Variants in CHST11 observed in about 807,000 individuals in gnomAD.
CHST11 encodes C4S-1.
In CHST11, 9 loss-of-function variants were observed where a neutral mutation model predicts 30.4. The observed-to-expected ratio is 0.30, with a 90% CI of 0.18 to 0.52. CHST11 has a LOEUF of 0.52. Ranked by LOEUF, CHST11 falls within the 20% of genes least tolerant of loss-of-function variation. The pLI is 0.97. For missense variants in CHST11, 348 were observed against 460.6 expected, an observed-to-expected ratio of 0.76 and a Z score of 2.24; for synonymous variants, 152 against 187.8, an observed-to-expected ratio of 0.81 and a Z score of 1.56.
chr12:104,657,959 G>T (rs2039561635), intron 2 of CHST11, among the ~76,000 whole-genome samples: 1 of 152,198 alleles, frequency 6.6e-6, no homozygotes, highest in African/African-American at 2.4e-5. Context: ...TTTGAAGGTA[G>T]CAGGGGAAAC....
At chr12:104,637,234 G>T (rs2039330887) in intron 2 of CHST11, among the ~76,000 whole-genome samples, 2 of 142,670 alleles carry the variant, frequency 1.4e-5, no homozygotes, top group East Asian at 2.2e-4. Context: ...GAGCCTGGAA[G>T]TTGAGGCTGC....
intron 1 of CHST11, among the ~76,000 whole-genome samples, chr12:104,532,027 G>A (rs1273120277): frequency 6.6e-6 from 1 of 152,228 alleles, no homozygotes; most frequent in African/African-American, 2.4e-5. Flanking sequence ...TGGGCTCTGG[G>A]CAGCTGCACT....
chr12:104,648,832 C>CG (rs2039462796), intron 2 of CHST11, among the ~76,000 whole-genome samples: 1 of 152,068 alleles, frequency 6.6e-6, no homozygotes, highest in South Asian at 2.1e-4. Context: ...AAAGAAAGAT[C>CG]TGAGCAGGGA....
At chr12:104,500,291 C>T (rs545496207) in intron 1 of CHST11, among the ~76,000 whole-genome samples, 2 of 152,238 alleles carry the variant, frequency 1.3e-5, no homozygotes, top group Admixed American at 6.5e-5. Flanking sequence ...TTGGTGCTTG[C>T]GAAGGGTTTA....
chr12:104,703,990 C>A (rs912456906), intron 2 of CHST11, among the ~76,000 whole-genome samples: 24 of 152,262 alleles, frequency 1.6e-4, no homozygotes, highest in African/African-American at 5.3e-4. Flanking sequence ...CTCCTTAGGG[C>A]CTGGTTCGTA....
chr12:104,487,838 C>A (rs7960741), intron 1 of CHST11, among the ~76,000 whole-genome samples: 1 of 151,354 alleles, frequency 6.6e-6, no homozygotes, highest in Admixed American at 6.6e-5. Context: ...AATACTGGTA[C>A]ATTTTTCTTT....
intron 2 of CHST11, among the ~76,000 whole-genome samples, chr12:104,741,749 A>G (rs1404118182): frequency 6.6e-6 from 1 of 152,208 alleles, no homozygotes; most frequent in East Asian, 1.9e-4. Context: ...GAACCCGCTC[A>G]TGTAAAAGCG....
intron 2 of CHST11, among the ~76,000 whole-genome samples, chr12:104,734,825 T>C (rs1233529930): frequency 6.6e-6 from 1 of 152,078 alleles, no homozygotes; most frequent in African/African-American, 2.4e-5. Flanking sequence ...AGACAGATAA[T>C]ATGGAGATCC....
chr12:104,497,738 A>G (rs1273778507), intron 1 of CHST11, among the ~76,000 whole-genome samples: 1 of 151,906 alleles, frequency 6.6e-6, no homozygotes, highest in Admixed American at 6.6e-5. Context: ...CTTGCTGAGA[A>G]CCTGGGTCTG....
At chr12:104,515,637 C>T (rs1252833984) in intron 1 of CHST11, among the ~76,000 whole-genome samples, 2 of 152,130 alleles carry the variant, frequency 1.3e-5, no homozygotes, top group Admixed American at 6.5e-5. Flanking sequence ...CTGGAGCTTA[C>T]AGTCTAGGGG....
At chr12:104,737,582 T>TC (rs1437410713) in intron 2 of CHST11, among the ~76,000 whole-genome samples, 1 of 152,190 alleles carries the variant, frequency 6.6e-6, no homozygotes, top group Admixed American at 6.5e-5. Flanking sequence ...GATCAGTTGA[T>TC]CTAGAGCCTT....
chr12:104,618,260 G>C (rs1354317255), intron 2 of CHST11, among the ~76,000 whole-genome samples: 1 of 117,208 alleles, frequency 8.5e-6, no homozygotes, highest in African/African-American at 3.3e-5. Context: ...GTGTTGCTCT[G>C]TTGCCCAGGC....
chr12:104,701,034 A>G (rs1002578431), intron 2 of CHST11, among the ~76,000 whole-genome samples: 2 of 152,102 alleles, frequency 1.3e-5, no homozygotes, highest in East Asian at 1.9e-4. Context: ...CTTGAACCCC[A>G]TAGGAGCTGG....
chr12:104,755,081 A>G (rs1355834335), intron 2 of CHST11, among the ~76,000 whole-genome samples: 3 of 152,200 alleles, frequency 2.0e-5, no homozygotes, highest in Non-Finnish European at 4.4e-5. Flanking sequence ...GATGCCCCTC[A>G]GTTCCCCAGC....
intron 2 of CHST11, among the ~76,000 whole-genome samples, chr12:104,702,822 G>A (rs1413349895): frequency 6.6e-6 from 1 of 152,244 alleles, no homozygotes; most frequent in African/African-American, 2.4e-5. Context: ...AGGGCGGACA[G>A]CGGGTCGGCG....
At position 104,481,581 on chromosome 12, in the gene CHST11, T is replaced by C. The variant is rs375045423; in HGVS notation, c.118+24052T>C. ...TCCTTCTGTAGGGAGCGGTCATGGA[T>C]TCTCTCACGCGTCGATGGGGGGCAA... On this transcript the variant is annotated intron_variant, in intron 1 of 2. Coordinates refer to ENST00000303694, the MANE Select transcript of CHST11 (RefSeq NM_018413.6). Among the ~76,000 whole-genome samples the C allele has an allele frequency of 5.1e-4, 78 of 152,242 alleles. No homozygotes were observed. In the South Asian group the frequency reaches 1.0e-2, roughly 19 times the overall value.
chr12:104,720,449 G>A (rs1208266201), intron 2 of CHST11, among the ~76,000 whole-genome samples: 5 of 152,186 alleles, frequency 3.3e-5, no homozygotes, highest in Non-Finnish European at 7.3e-5. Context: ...TCCAGACCCC[G>A]CACGGTATTT....
chr12:104,739,905 A>T (rs2040333183), intron 2 of CHST11, among the ~76,000 whole-genome samples: 1 of 152,200 alleles, frequency 6.6e-6, no homozygotes, highest in South Asian at 2.1e-4. Flanking sequence ...CCAGAGTCTG[A>T]TCTCCAGCCT....
At chr12:104,479,887 G>A (rs2037602798) in intron 1 of CHST11, among the ~76,000 whole-genome samples, 1 of 152,196 alleles carries the variant, frequency 6.6e-6, no homozygotes, top group African/African-American at 2.4e-5. Flanking sequence ...CCTGCCAGTG[G>A]GAAGAGGGAG....
Sources: allele counts gnomAD v4.1 joint callset (sites outside exome capture counted in the v4.1 genomes callset), GRCh38; gene constraint gnomAD v4.1.1; transcripts MANE v1.5; gene names NCBI Gene and HGNC (gene_info 2026-07-23, HGNC 2026-07-21).